CATSPER1: variants seen among roughly 807,000 people sequenced by gnomAD.
CATSPER1 encodes cation channel sperm-associated protein 1.
A neutral mutation model predicts 72.7 loss-of-function variants in CATSPER1; 57 were observed. The ratio of observed to expected loss-of-function variants is 0.78; its 90% CI spans 0.63 to 0.98. The LOEUF (loss-of-function observed/expected upper bound fraction) is 0.98. CATSPER1 is among the 50% of genes least tolerant of loss of function. CATSPER1 has a pLI of 0.00. For missense variants in CATSPER1, 910 were observed against 1,033.9 expected (o/e 0.88, Z 1.64); for synonymous variants, 363 against 403.0 (o/e 0.90, Z 1.19).
chr11:66,020,701 AC>A lies in CATSPER1; in HGVS notation c.1928-75del, dbSNP rs1244915322. The A allele has an allele frequency of 1.3e-6, 2 of 1,594,952 alleles. No individual in the cohort carries two copies. The highest frequency in any genetic ancestry group is 1.7e-6 in the Non-Finnish European group (2 of 1,165,972). On this transcript the variant is annotated intron_variant, in intron 6 of 11. Transcript: ENST00000312106. The surrounding 1 kb of genome is among the most constrained non-coding windows in gnomAD (Gnocchi z 4.5). ...CAACCACGACCTGCTCCCTTCCCAT[AC>A]CCGGACATGCAGGCATCAGAAGCCC...
chr11:66,022,445 G>C (rs1483698066), intron 2 of CATSPER1, among the ~76,000 whole-genome samples: 1 of 152,258 alleles, frequency 6.6e-6, no homozygotes, highest in Admixed American at 6.5e-5. Flanking sequence ...ACAGCGAGCC[G>C]GGCAGCTCCT....
rs149064120 is a variant in CATSPER1, at chr11:66,026,088, G to A, written c.292C>T (p.Leu98=). The A allele has an allele frequency of 2.3e-4, 365 of 1,613,142 alleles. 1 individual carries two copies. The highest frequency in any genetic ancestry group is 7.7e-4 in the Admixed American group (46 of 60,000). The change falls in exon 1 of 12, where the codon CTG becomes TTG. Residue 98 remains leucine, a synonymous_variant. Coordinates refer to ENST00000312106, the MANE Select transcript of CATSPER1 (RefSeq NM_053054.4). Reference sequence around the variant, plus strand: ...GGGACGGCGCCTTGAGAGGGAGCCAGACCAAAGCCTGTGGGGCCATGGGCT... The same window carrying A: ...GGGACGGCGCCTTGAGAGGGAGCCAAACCAAAGCCTGTGGGGCCATGGGCT... The part of the protein sequence containing the change: ...GRAHGPTGFG[L]APSQGAVPSH...
rs1856371595 is a variant in CATSPER1 at position 66,021,623 on chromosome 11, C to CCAT, written c.1561_1563dup (p.Met521dup). 2.5e-6 allele frequency: 4 copies of CCAT among 1,608,478 alleles called. No homozygotes were observed. Among genetic ancestry groups the CCAT allele is most frequent in the Non-Finnish European group, 3.4e-6 (4 of 1,177,274 alleles). Reference sequence around the variant, plus strand: ...TGCATCAGCAAGAAGTCCAGCACGGCCATGGCCATAATGAAGAAGTCTGAG... The same window carrying CCAT: ...TGCATCAGCAAGAAGTCCAGCACGGCCATCATGGCCATAATGAAGAAGTCTGAG... On this transcript the variant is annotated inframe_insertion, in exon 4 of 12. Coordinates refer to ENST00000312106, the MANE Select transcript of CATSPER1 (RefSeq NM_053054.4).
chr11:66,020,530 G>C lies in CATSPER1; in HGVS notation c.1991+34C>G, dbSNP rs1397976172. 3 of 1,601,786 alleles carry C rather than the reference G, an allele frequency of 1.9e-6. No homozygotes were observed. Among genetic ancestry groups the C allele is most frequent in the Admixed American group, 3.4e-5 (2 of 59,370 alleles). On this transcript the variant is annotated intron_variant, in intron 7 of 11. Coordinates refer to ENST00000312106, the MANE Select transcript of CATSPER1 (RefSeq NM_053054.4). This position sits in a 1 kb window ranked among gnomAD's most constrained non-coding sequence, Gnocchi z 4.5. ...CCAGGGGAGAGGAGGAAGTGTGGGT[G>C]GTGCTGGGCAGCAGAGCAGGGGTGA... is the stretch of plus-strand genomic sequence containing the variant.
intron 2 of CATSPER1, 27 bp from the exon 3 acceptor site, chr11:66,021,906 A>T: frequency 1.3e-6 from 2 of 1,525,828 alleles, no homozygotes; most frequent in Non-Finnish European, 1.8e-6. Context: ...GTGCACTCAG[A>T]GCTGTCCCCA....
chr11:66,017,194 T>TGGGGGGGGGGGGGGGGGGGGGGGCC lies in CATSPER1; in HGVS notation c.2202-21_2202-20insGGCCCCCCCCCCCCCCCCCCCCCCC. The TGGGGGGGGGGGGGGGGGGGGGGGCC allele has an allele frequency of 1.8e-6, 1 of 550,256 alleles. No individual in the cohort carries two copies. 34.1% of individuals were successfully genotyped at this position (550,256 alleles called of 1,614,324 possible). A position where few individuals can be genotyped will look rare whatever the true frequency, so the allele number is the denominator to read the frequency against. On this transcript the variant is annotated intron_variant, in intron 10 of 11. Coordinates refer to ENST00000312106, the MANE Select transcript of CATSPER1 (RefSeq NM_053054.4). ...TGCTGCCTGCGGGTGGGCGGGGGGG[T>TGGGGGGGGGGGGGGGGGGGGGGGCC]CGCAGAGACAGGGGCTGGGCTGACC... is the stretch of plus-strand genomic sequence containing the variant.
At position 66,020,082 on chromosome 11, in the gene CATSPER1, G is replaced by A; in HGVS notation, c.2125+58C>T. 2 of 1,559,114 alleles carry A rather than the reference G, an allele frequency of 1.3e-6. No homozygotes were observed. Among genetic ancestry groups the A allele is most frequent in the South Asian group, 1.1e-5 (1 of 89,934 alleles). On this transcript the variant is annotated intron_variant, in intron 9 of 11. Coordinates refer to ENST00000312106, the MANE Select transcript of CATSPER1 (RefSeq NM_053054.4). This position sits in a 1 kb window ranked among gnomAD's most constrained non-coding sequence, Gnocchi z 4.5. ...ACTGTGGAAGGAGGTTAGGGGGATGGAGAGACTGGCCCCCACTGCGGACGG... is the reference window on the plus strand; with the variant it reads ...ACTGTGGAAGGAGGTTAGGGGGATGAAGAGACTGGCCCCCACTGCGGACGG...
At chr11:66,017,418 C>G (rs1370486251) in intron 10 of CATSPER1, among the ~76,000 whole-genome samples, 1 of 151,924 alleles carries the variant, frequency 6.6e-6, no homozygotes, top group African/African-American at 2.4e-5. Context: ...TCCACCCACC[C>G]ATTTGTCAGC....
chr11:66,024,645 C>A (rs1032473910), intron 1 of CATSPER1, among the ~76,000 whole-genome samples: 1 of 152,144 alleles, frequency 6.6e-6, no homozygotes, highest in African/African-American at 2.4e-5. Flanking sequence ...GGCCATGGTC[C>A]CTCCTTGCCC....
At chr11:66,021,232 G>T (rs1303574184) in intron 4 of CATSPER1, 47 bp from the exon 5 acceptor site, 1 of 1,554,586 alleles carries the variant, frequency 6.4e-7, no homozygotes, top group Non-Finnish European at 8.8e-7. Flanking sequence ...AGGGGCGGGG[G>T]TGTGTGTCTC....
chr11:66,026,259 G>T lies in CATSPER1; in HGVS notation c.121C>A (p.His41Asn). 1 of 1,614,200 alleles carries T rather than the reference G, an allele frequency of 6.2e-7. No homozygotes were observed. Among genetic ancestry groups the T allele is most frequent in the Non-Finnish European group, 8.5e-7 (1 of 1,180,020 alleles). ...CCGTGATGGTGCAACTCGTAATGGTGGAGAGCTCTGCTGTGGCCTGGCCTG... is the reference window on the plus strand; with the variant it reads ...CCGTGATGGTGCAACTCGTAATGGTTGAGAGCTCTGCTGTGGCCTGGCCTG... ...HHRPGHSRAL[H>N]HYELHHHGVP... Residue 41 changes from histidine to asparagine, a missense_variant, in exon 1 of 12, where the codon CAC becomes AAC. Transcript: ENST00000312106.
Position 66,025,292 on chromosome 11 carries a change from A to G in CATSPER1, c.1088T>C (p.Met363Thr), listed in dbSNP as rs187898935. 99 of 1,614,216 alleles carry G rather than the reference A, an allele frequency of 6.1e-5. 1 individual carries two copies. The East Asian group carries it at 2.2e-3, about 35-fold the overall frequency. ...VAHPRGSAHS[M>T]TRSSSTIRSR... Reference sequence around the variant, plus strand: ...GCGGATTGTGCTGGAGGACCGAGTCATGCTGTGAGCCGAGCCCCGTGGGTG... The same window carrying G: ...GCGGATTGTGCTGGAGGACCGAGTCGTGCTGTGAGCCGAGCCCCGTGGGTG... The change falls in exon 1 of 12, where the codon ATG becomes ACG. Residue 363 changes from methionine to threonine, a missense_variant. Physicochemically the swap from Met to Thr is moderately conservative, Grantham distance 81 (BLOSUM62 -1). Coordinates refer to ENST00000312106, the MANE Select transcript of CATSPER1 (RefSeq NM_053054.4).
At position 66,020,585 on chromosome 11, in the gene CATSPER1, A is replaced by T. The variant is rs777022494; in HGVS notation, c.1970T>A (p.Ile657Asn). ...IIPILVIYII[I>N]QYFIFLNLVI... ...TCACTTGAGGAAGATGAAGTACTGG[A>T]TGATGATGTAAATTACGAGGATGGG... Residue 657 changes from isoleucine (I) to asparagine (N), a missense_variant, in exon 7 of 12, where the codon ATC becomes AAC. Ile to Asn is a moderately radical substitution (Grantham distance 149, BLOSUM62 -3). Coordinates refer to ENST00000312106, the MANE Select transcript of CATSPER1 (RefSeq NM_053054.4). This position sits in a 1 kb window ranked among gnomAD's most constrained non-coding sequence, Gnocchi z 4.5. 4 of 1,612,222 alleles carry T rather than the reference A, an allele frequency of 2.5e-6. No individual in the cohort carries two copies. Among genetic ancestry groups the T allele is most frequent in the Middle Eastern group, 1.6e-4 (1 of 6,078 alleles).
chr11:66,024,544 T>A (rs1454374473), intron 1 of CATSPER1, among the ~76,000 whole-genome samples: 1 of 152,148 alleles, frequency 6.6e-6, no homozygotes, highest in African/African-American at 2.4e-5. Context: ...CCTCCCAAAG[T>A]GCTGAGATTA....
rs747550437 is a variant in CATSPER1 at position 66,026,123 on chromosome 11, T to C, written c.257A>G (p.Asn86Ser). The C allele has an allele frequency of 1.2e-6, 2 of 1,608,480 alleles. No homozygotes were observed. The highest frequency in any genetic ancestry group is 2.2e-5 in the South Asian group (2 of 91,000). The part of the protein sequence containing the change: ...HQSHHHSEAR[N>S]HGRAHGPTGF... ...TGTGGGGCCATGGGCTCTGCCGTGATTCCGTGCCTCGCTGTGGTGGTGAGA... is the reference window on the plus strand; with the variant it reads ...TGTGGGGCCATGGGCTCTGCCGTGACTCCGTGCCTCGCTGTGGTGGTGAGA... The change falls in exon 1 of 12, where the codon AAT becomes AGT. Residue 86 changes from asparagine (N) to serine (S), a missense_variant. Asn to Ser is a conservative substitution (Grantham distance 46). Coordinates refer to ENST00000312106, the MANE Select transcript of CATSPER1 (RefSeq NM_053054.4).
At chr11:66,019,918 CAAAAAAAAAAAA>C (rs60681273) in intron 9 of CATSPER1, among the ~76,000 whole-genome samples, 15 of 62,692 alleles carry the variant, frequency 2.4e-4, no homozygotes, top group African/African-American at 3.2e-4. Flanking sequence ...GACTCCATCT[CAAAAAAAAAAAA>C]AAAAAAAAAA....
rs199778355 is a variant in CATSPER1 at position 66,020,102 on chromosome 11, G to A, written c.2125+38C>T. Reference sequence around the variant, plus strand: ...GGATGGAGAGACTGGCCCCCACTGCGGACGGGCAGGTGGGGCCAGGGCGGG... The same window carrying A: ...GGATGGAGAGACTGGCCCCCACTGCAGACGGGCAGGTGGGGCCAGGGCGGG... On this transcript the variant is annotated intron_variant, in intron 9 of 11. Coordinates refer to ENST00000312106, the MANE Select transcript of CATSPER1 (RefSeq NM_053054.4). The surrounding 1 kb of genome is among the most constrained non-coding windows in gnomAD (Gnocchi z 4.5). 5.9e-5 allele frequency: 95 copies of A among 1,603,488 alleles called. No homozygotes were observed. In the Admixed American group the frequency reaches 6.8e-4, roughly 12 times the overall value.
Position 66,017,180 on chromosome 11 carries a change from G to T in CATSPER1, c.2202-6C>A. ...GGAACAGGAGCTCCTGCTGCCTGCG[G>T]GTGGGCGGGGGGGTCGCAGAGACAG... is the stretch of plus-strand genomic sequence containing the variant. On this transcript the variant is annotated splice_polypyrimidine_tract_variant and splice_region_variant and intron_variant, in intron 10 of 11. Transcript: ENST00000312106. 2.6e-6 allele frequency: 4 copies of T among 1,535,926 alleles called. No individual in the cohort carries two copies. Among genetic ancestry groups the T allele is most frequent in the Non-Finnish European group, 3.6e-6 (4 of 1,125,946 alleles).
chr11:66,018,811 C>T lies in CATSPER1; in HGVS notation c.2201+16G>A, dbSNP rs1369730872. On this transcript the variant is annotated intron_variant, in intron 10 of 11. Coordinates refer to ENST00000312106, the MANE Select transcript of CATSPER1 (RefSeq NM_053054.4). ...ACCCTCAGACCCCAGGCCTCGCTCCCTTCCTGTCTCCTCACTTCTCAGTCA... is the reference window on the plus strand; with the variant it reads ...ACCCTCAGACCCCAGGCCTCGCTCCTTTCCTGTCTCCTCACTTCTCAGTCA... 1.9e-6 allele frequency: 3 copies of T among 1,612,700 alleles called. No homozygotes were observed. The Admixed American group carries it at 5.0e-5, about 27-fold the overall frequency.
Sources: allele counts gnomAD v4.1 joint callset (sites outside exome capture counted in the v4.1 genomes callset), GRCh38; gene constraint gnomAD v4.1.1; non-coding constraint Gnocchi (gnomAD v3.1); transcripts MANE v1.5; gene names NCBI Gene and HGNC (gene_info 2026-07-23, HGNC 2026-07-21).